Variants in UBAC2 observed in about 807,000 individuals in gnomAD.
The protein encoded by UBAC2 is ubiquitin-associated domain-containing protein 2.
Under a neutral mutation model 44.0 loss-of-function variants are expected in UBAC2, and 26 were observed. That is an observed-to-expected ratio of 0.59 (90% CI 0.43 to 0.82). The LOEUF is 0.82. UBAC2 is among the 40% of genes least tolerant of loss of function. The probability of loss-of-function intolerance (pLI) is 0.00; values close to 1 mark genes in which losing one functional copy is unlikely to be tolerated. For missense variants in UBAC2, 329 were observed against 419.4 expected (o/e 0.78, Z 1.88); for synonymous variants, 155 against 154.3 (o/e 1.00, Z -0.04).
intron 7 of UBAC2, among the ~76,000 whole-genome samples, chr13:99,341,813 T>C (rs956619667): frequency 5.9e-5 from 9 of 151,744 alleles, no homozygotes; most frequent in Admixed American, 2.0e-4. Flanking sequence ...AAAAACTGAG[T>C]AGTGATTGAG....
At chr13:99,266,413 A>T (rs1489376792) in intron 4 of UBAC2, among the ~76,000 whole-genome samples, 1 of 152,028 alleles carries the variant, frequency 6.6e-6, no homozygotes, top group African/African-American at 2.4e-5. Context: ...AAGTGTACTA[A>T]TTTGTGTTGG....
chr13:99,212,662 T>A (rs567822770), intron 1 of UBAC2, among the ~76,000 whole-genome samples: 2 of 152,304 alleles, frequency 1.3e-5, no homozygotes, highest in African/African-American at 4.8e-5. Context: ...ACATAAAATA[T>A]AGGGAAAAAA....
intron 4 of UBAC2, chr13:99,254,831 TAGTGA>T (rs758115946): frequency 6.9e-7 from 1 of 1,452,686 alleles, no homozygotes; most frequent in East Asian, 2.3e-5. Flanking sequence ...CCAGAGTAGT[TAGTGA>T]AGTGAATTTT....
intron 1 of UBAC2, among the ~76,000 whole-genome samples, chr13:99,202,802 A>T (rs986039133): frequency 6.6e-6 from 1 of 152,152 alleles, no homozygotes; most frequent in East Asian, 1.9e-4. Flanking sequence ...TGTGTCTTAC[A>T]TGCTCATTTT....
intron 8 of UBAC2, among the ~76,000 whole-genome samples, chr13:99,379,284 T>C (rs1396818440): frequency 1.3e-5 from 2 of 152,222 alleles, no homozygotes; most frequent in Non-Finnish European, 2.9e-5. Flanking sequence ...TCATTAGCTG[T>C]AGTTGTGTCT....
In UBAC2 at chr13:99,271,423, A is replaced by G. The variant is rs1156705583; in HGVS notation, c.389+26799A>G. On this transcript the variant is annotated intron_variant, in intron 4 of 8. Transcript: ENST00000403766. ...TCCCGTACGTGGACAGCTGGAGCAG[A>G]GTGATGGGGGGATGGGGTGTGGGAA... 1.3e-5 allele frequency among the ~76,000 whole-genome samples: 2 copies of G among 152,120 alleles called. 1 individual carries two copies. The highest frequency in any genetic ancestry group is 2.9e-5 in the Non-Finnish European group (2 of 68,010).
intron 4 of UBAC2, among the ~76,000 whole-genome samples, chr13:99,281,352 C>T (rs1029805674): frequency 6.6e-5 from 10 of 151,714 alleles, no homozygotes; most frequent in African/African-American, 2.4e-4. Context: ...GCATATAATC[C>T]ATTCATTCTT....
intron 6 of UBAC2, among the ~76,000 whole-genome samples, chr13:99,339,055 G>A (rs1449680311): frequency 6.6e-6 from 1 of 151,904 alleles, no homozygotes; most frequent in Admixed American, 6.5e-5. Context: ...TACCCTAAAT[G>A]TCATATCATA....
At chr13:99,281,099 T>C (rs1594083577) in intron 4 of UBAC2, among the ~76,000 whole-genome samples, 1 of 151,832 alleles carries the variant, frequency 6.6e-6, no homozygotes, top group East Asian at 1.9e-4. Context: ...GGCAGGAGAA[T>C]AGCTTGAACC....
chr13:99,275,173 G>C (rs1230455149), intron 4 of UBAC2, among the ~76,000 whole-genome samples: 2 of 152,190 alleles, frequency 1.3e-5, no homozygotes, highest in South Asian at 2.1e-4. Context: ...GAGCAGTTTA[G>C]CTGGGTGATT....
At chr13:99,366,045 A>AT (rs971147812) in intron 7 of UBAC2, among the ~76,000 whole-genome samples, 77 of 152,070 alleles carry the variant, frequency 5.1e-4, no homozygotes, top group African/African-American at 1.8e-3. Flanking sequence ...TATTTCTCTG[A>AT]TTTTTTTCCA....
At chr13:99,315,368 A>G (rs1297017562) in intron 5 of UBAC2, among the ~76,000 whole-genome samples, 2 of 152,234 alleles carry the variant, frequency 1.3e-5, no homozygotes, top group Non-Finnish European at 2.9e-5. Flanking sequence ...CCCAAGTTCT[A>G]GTCCTAGCAT....
chr13:99,293,286 C>T (rs371704108), intron 4 of UBAC2, among the ~76,000 whole-genome samples: 1 of 151,978 alleles, frequency 6.6e-6, no homozygotes, highest in African/African-American at 2.4e-5. Flanking sequence ...TTGTAGGATC[C>T]TAAGAATTGA....
intron 8 of UBAC2, among the ~76,000 whole-genome samples, chr13:99,380,408 C>CCT (rs1298876618): frequency 2.6e-5 from 4 of 152,128 alleles, no homozygotes; most frequent in Non-Finnish European, 4.4e-5. Context: ...ATAGTGAGAG[C>CCT]CACAGCAGTA....
chr13:99,333,173 C>A (rs2044741361), intron 6 of UBAC2, among the ~76,000 whole-genome samples: 1 of 152,210 alleles, frequency 6.6e-6, no homozygotes, highest in South Asian at 2.1e-4. Flanking sequence ...ATTATAATAA[C>A]TGATGCTCTC....
In UBAC2 at chr13:99,275,267, A is replaced by T. The variant is rs569532454; in HGVS notation, c.389+30643A>T. On this transcript the variant is annotated intron_variant, in intron 4 of 8. Transcript: ENST00000403766. ...AGGCTTTACTGGGATTGGAAGACTC[A>T]CAGTGCTGTTGGCAGGAAGCCTCAG... Among the ~76,000 whole-genome samples, 9 of 152,302 alleles carry T rather than the reference A, an allele frequency of 5.9e-5. No homozygotes were observed. The South Asian group carries it at 1.7e-3, about 28-fold the overall frequency.
At chr13:99,243,975 T>A in intron 3 of UBAC2, 24 bp downstream of exon 3, 1 of 1,505,098 alleles carries the variant, frequency 6.6e-7, no homozygotes, top group Non-Finnish European at 8.9e-7. Context: ...TATTTTGTCT[T>A]TGCTACTTAG....
chr13:99,361,026 A>ATGCC (rs2045258321), intron 7 of UBAC2, among the ~76,000 whole-genome samples: 2 of 152,194 alleles, frequency 1.3e-5, no homozygotes, highest in South Asian at 4.1e-4. Context: ...AAACCTTTCA[A>ATGCC]TGCCTGTAGA....
At chr13:99,353,276 G>A (rs1363613380) in intron 7 of UBAC2, among the ~76,000 whole-genome samples, 6 of 152,218 alleles carry the variant, frequency 3.9e-5, no homozygotes, top group African/African-American at 7.2e-5. Flanking sequence ...TTACAGCTAC[G>A]CTGTTTATCT....
Sources: gnomAD v4.1 joint callset for allele counts (sites outside exome capture counted in the v4.1 genomes callset) on GRCh38, gnomAD v4.1.1 for gene constraint, MANE v1.5 for transcripts, NCBI Gene and HGNC (gene_info 2026-07-23, HGNC 2026-07-21) for gene names.